The following RAP1A variants were observed in gnomAD, a reference collection of about 807,000 sequenced individuals.
RAP1A encodes the protein RAP1A, member of RAS oncogene family.
A neutral mutation model predicts 26.4 loss-of-function variants in RAP1A; 6 were observed. That is an observed-to-expected ratio of 0.23 (90% CI 0.12 to 0.45). The LOEUF (loss-of-function observed/expected upper bound fraction) is 0.45. RAP1A is among the 20% of genes least tolerant of loss of function. The pLI is 0.99. For synonymous variants in RAP1A, 73 were observed against 79.4 expected (o/e 0.92, Z 0.43); for missense variants, 121 against 217.2 (o/e 0.56, Z 2.78).
At chr1:111,607,636 G>C (rs899366030) in intron 1 of RAP1A, among the ~76,000 whole-genome samples, 8 of 147,456 alleles carry the variant, frequency 5.4e-5, no homozygotes, top group Non-Finnish European at 1.1e-4. Flanking sequence ...CTGGCCGGGC[G>C]GGGGGCTGAC....
chr1:111,584,285 C>T (rs1219712949), intron 1 of RAP1A, among the ~76,000 whole-genome samples: 1 of 152,122 alleles, frequency 6.6e-6, no homozygotes, highest in Non-Finnish European at 1.5e-5. Context: ...GGCCAAATCT[C>T]CCTGTCTGTT....
chr1:111,703,302 A>T, intron 4 of RAP1A, 34 bp from the exon 5 acceptor site: 1 of 1,372,760 alleles, frequency 7.3e-7, no homozygotes, highest in Non-Finnish European at 9.8e-7. Context: ...CAAGAAATTT[A>T]TATATTTATA....
chr1:111,700,916 A>T (rs900652581), intron 4 of RAP1A, among the ~76,000 whole-genome samples: 6 of 152,144 alleles, frequency 3.9e-5, no homozygotes, highest in African/African-American at 1.2e-4. Flanking sequence ...ACTAGAATCT[A>T]ATGACACTAT....
Sources: allele counts gnomAD v4.1 joint callset (sites outside exome capture counted in the v4.1 genomes callset), GRCh38; gene constraint gnomAD v4.1.1; transcripts MANE v1.5; gene names NCBI Gene and HGNC (gene_info 2026-07-23, HGNC 2026-07-21).